The following LRRC4C variants were observed in gnomAD, a reference collection of about 807,000 sequenced individuals.
LRRC4C encodes the protein leucine rich repeat containing 4C.
In LRRC4C, 5 loss-of-function variants were observed where a neutral mutation model predicts 33.6. The observed-to-expected ratio is 0.15, with a 90% confidence interval of 0.08 to 0.31. The LOEUF (loss-of-function observed/expected upper bound fraction) is 0.31, where lower values mean the gene tolerates loss of function less well. LRRC4C is among the 10% of genes least tolerant of loss of function. The pLI, the probability that LRRC4C is intolerant of heterozygous loss-of-function variation, is 1.00. For synonymous variants in LRRC4C, 329 were observed against 302.0 expected (o/e 1.09, Z -0.93); for missense variants, 560 against 796.7 (o/e 0.70, Z 3.58).
chr11:40,351,571 C>A (rs775082350), intron 3 of LRRC4C: 7 of 152,062 alleles, frequency 4.6e-5, no homozygotes, highest in Non-Finnish European at 1.0e-4. Flanking sequence ...TTAGACTAGT[C>A]CTAGGGTAGT....
At chr11:40,765,170 T>G (rs1949391889) in intron 2 of LRRC4C, among the ~76,000 whole-genome samples, 1 of 152,142 alleles carries the variant, frequency 6.6e-6, no homozygotes, top group Non-Finnish European at 1.5e-5. Flanking sequence ...AGTTGTAATT[T>G]CCAGTGTTGG....
chr11:41,176,252 A>G (rs1451034559), intron 1 of LRRC4C, among the ~76,000 whole-genome samples: 1 of 152,206 alleles, frequency 6.6e-6, no homozygotes, highest in African/African-American at 2.4e-5. Context: ...TAGTAGACTC[A>G]TGGAAGAGCC....
At chr11:41,214,458 G>A (rs10837597) in intron 1 of LRRC4C, among the ~76,000 whole-genome samples, 27,392 of 151,046 alleles carry the variant, frequency 0.18, 3,100 homozygotes, top group East Asian at 0.43. Flanking sequence ...AAATGCAGGC[G>A]CGATGGCTCA....
intron 1 of LRRC4C, among the ~76,000 whole-genome samples, chr11:41,054,444 C>T (rs1273178621): frequency 6.6e-6 from 1 of 152,106 alleles, no homozygotes; most frequent in African/African-American, 2.4e-5. Flanking sequence ...AGAACTGGTT[C>T]CTTAGAAAAT....
chr11:41,418,134 G>A (rs904110959), intron 1 of LRRC4C, among the ~76,000 whole-genome samples: 7 of 151,846 alleles, frequency 4.6e-5, no homozygotes, highest in Non-Finnish European at 1.0e-4. Context: ...GCTGAAAAAT[G>A]TAATACTGCC....
At chr11:40,706,266 A>G (rs1946164677) in intron 2 of LRRC4C, among the ~76,000 whole-genome samples, 2 of 152,166 alleles carry the variant, frequency 1.3e-5, no homozygotes, top group African/African-American at 2.4e-5. Context: ...TTGGTGTTAT[A>G]GTCATGAAGT....
intron 2 of LRRC4C, among the ~76,000 whole-genome samples, chr11:40,793,120 A>G (rs1950692498): frequency 6.6e-6 from 1 of 152,164 alleles, no homozygotes; most frequent in African/African-American, 2.4e-5. Context: ...CATGTACCCT[A>G]GAACTTAAAG....
intron 1 of LRRC4C, among the ~76,000 whole-genome samples, chr11:41,062,859 A>T (rs915708313): frequency 6.6e-6 from 1 of 152,182 alleles, no homozygotes; most frequent in African/African-American, 2.4e-5. Context: ...CCATTTGAAG[A>T]CAGAGTCAGA....
intron 1 of LRRC4C, among the ~76,000 whole-genome samples, chr11:41,377,923 G>A (rs187321519): frequency 1.4e-4 from 21 of 152,212 alleles, no homozygotes; most frequent in African/African-American, 3.4e-4. Flanking sequence ...GGAGGCAATC[G>A]CCCTCTTGAA....
chr11:40,246,268 C>T (rs537865159), intron 4 of LRRC4C, among the ~76,000 whole-genome samples: 1 of 151,926 alleles, frequency 6.6e-6, no homozygotes, highest in African/African-American at 2.4e-5. Flanking sequence ...GCCACCATGC[C>T]CAGCCCTAAA....
intron 5 of LRRC4C, among the ~76,000 whole-genome samples, chr11:40,191,392 C>T (rs755952416): frequency 6.6e-5 from 10 of 152,220 alleles, no homozygotes; most frequent in Non-Finnish European, 1.5e-4. Context: ...GCACTCTAAA[C>T]ATGCAAATAA....
At chr11:40,488,219 C>G (rs1953963744) in intron 3 of LRRC4C, among the ~76,000 whole-genome samples, 1 of 152,088 alleles carries the variant, frequency 6.6e-6, no homozygotes, top group South Asian at 2.1e-4. Context: ...ACATGGATTT[C>G]CAATTCTTCT....
At chr11:40,284,507 G>A (rs1943701051) in intron 4 of LRRC4C, among the ~76,000 whole-genome samples, 1 of 152,202 alleles carries the variant, frequency 6.6e-6, no homozygotes. Context: ...AGAATATAAA[G>A]AGGATGTTCA....
chr11:40,593,508 T>C (rs1187819590), intron 3 of LRRC4C, among the ~76,000 whole-genome samples: 1 of 152,164 alleles, frequency 6.6e-6, no homozygotes, highest in Non-Finnish European at 1.5e-5. Context: ...CACATGTATG[T>C]ACTGAACAAG....
chr11:41,125,131 A>G (rs1942673236), intron 1 of LRRC4C, among the ~76,000 whole-genome samples: 1 of 152,188 alleles, frequency 6.6e-6, no homozygotes, highest in African/African-American at 2.4e-5. Flanking sequence ...ATCAAAATTA[A>G]CAAAGGTCTA....
intron 3 of LRRC4C, among the ~76,000 whole-genome samples, chr11:40,417,326 T>TA (rs1950360952): frequency 8.6e-6 from 1 of 115,908 alleles, no homozygotes; most frequent in African/African-American, 2.8e-5. Flanking sequence ...CATGATTTTT[T>TA]TTTTATTTAT....
intron 1 of LRRC4C, among the ~76,000 whole-genome samples, chr11:41,135,942 G>A (rs1943239959): frequency 6.7e-6 from 1 of 148,982 alleles, no homozygotes; most frequent in Admixed American, 6.7e-5. Flanking sequence ...CTTTGCACCA[G>A]TTACAATTGT....
At chr11:41,059,766 T>C (rs150205387) in intron 1 of LRRC4C, among the ~76,000 whole-genome samples, 1,541 of 152,302 alleles carry the variant, frequency 0.01, 9 homozygotes, top group Middle Eastern at 0.024. Flanking sequence ...GGCTCATGCC[T>C]GTAATCCCAG....
intron 1 of LRRC4C, among the ~76,000 whole-genome samples, chr11:41,033,448 C>T (rs527721708): frequency 2.3e-4 from 35 of 152,190 alleles, no homozygotes; most frequent in African/African-American, 7.5e-4. Flanking sequence ...GGATACATCT[C>T]AGCCAAATCA....
Sources: gnomAD v4.1 joint callset for allele counts (sites outside exome capture counted in the v4.1 genomes callset) on GRCh38, gnomAD v4.1.1 for gene constraint, MANE v1.5 for transcripts, NCBI Gene and HGNC (gene_info 2026-07-23, HGNC 2026-07-21) for gene names.